The following ST8SIA6 variants were observed in gnomAD, a reference collection of about 807,000 sequenced individuals.
ST8SIA6 encodes alpha-2,8-sialyltransferase 8F.
A neutral mutation model predicts 33.6 loss-of-function variants in ST8SIA6; 39 were observed. The observed-to-expected ratio is 1.16, with a 90% CI of 0.90 to 1.52. The LOEUF is 1.52. Among genes scored for constraint, ST8SIA6 ranks in the 40% most tolerant of loss-of-function variants. The pLI, the probability that ST8SIA6 is intolerant of heterozygous loss-of-function variation, is 0.00. For missense variants in ST8SIA6, 441 were observed against 443.8 expected (o/e 0.99, Z 0.06); for synonymous variants, 172 against 167.2 (o/e 1.03, Z -0.22).
intron 3 of ST8SIA6, among the ~76,000 whole-genome samples, chr10:17,389,518 T>C (rs527696041): frequency 6.6e-6 from 1 of 152,182 alleles, no homozygotes; most frequent in African/African-American, 2.4e-5. Context: ...CTAGGAACAA[T>C]CAGAGTCTCA....
Position 17,348,275 on chromosome 10 carries a change from A to G in ST8SIA6, c.377+11239T>C, listed in dbSNP as rs17140637. 3.4e-3 allele frequency among the ~76,000 whole-genome samples: 510 copies of G among 151,058 alleles called. 3 individuals are homozygous for G. The highest frequency in any genetic ancestry group is 0.012 in the African/African-American group (488 of 41,064). On this transcript the variant is annotated intron_variant, in intron 4 of 7. Coordinates refer to ENST00000377602, the MANE Select transcript of ST8SIA6 (RefSeq NM_001004470.3). Reference sequence around the variant, plus strand: ...CAACATATTGAGAGCCTGAATTAACACTGAATCCTATGAAAACAGTTTTGT... The same window carrying G: ...CAACATATTGAGAGCCTGAATTAACGCTGAATCCTATGAAAACAGTTTTGT...
At chr10:17,366,386 C>T (rs1400958467) in intron 3 of ST8SIA6, among the ~76,000 whole-genome samples, 1 of 151,854 alleles carries the variant, frequency 6.6e-6, no homozygotes, top group African/African-American at 2.4e-5. Context: ...TCTTCACAGC[C>T]CCAGTGAAAT....
intron 4 of ST8SIA6, among the ~76,000 whole-genome samples, chr10:17,341,193 G>C (rs1470005187): frequency 6.6e-6 from 1 of 152,156 alleles, no homozygotes; most frequent in Non-Finnish European, 1.5e-5. Flanking sequence ...TGGCTACAAA[G>C]GGAAGACAGA....
intron 3 of ST8SIA6, among the ~76,000 whole-genome samples, chr10:17,378,201 C>T (rs1444522): frequency 0.19 from 28,935 of 152,094 alleles, 3,151 homozygotes; most frequent in East Asian, 0.51. Flanking sequence ...ATTAGCATAC[C>T]GCAGTTAACC....
At chr10:17,377,240 T>A (rs1849949167) in intron 3 of ST8SIA6, among the ~76,000 whole-genome samples, 1 of 152,122 alleles carries the variant, frequency 6.6e-6, no homozygotes, top group Non-Finnish European at 1.5e-5. Flanking sequence ...CCTTTAACTG[T>A]CATTTTCCAC....
intron 5 of ST8SIA6, among the ~76,000 whole-genome samples, chr10:17,330,928 A>G (rs1848278661): frequency 1.3e-5 from 2 of 152,208 alleles, no homozygotes; most frequent in African/African-American, 2.4e-5. Context: ...GGTTTGGGAT[A>G]TATCTGTGAA....
intron 4 of ST8SIA6, among the ~76,000 whole-genome samples, chr10:17,342,610 T>C (rs1483689263): frequency 6.6e-6 from 1 of 152,018 alleles, no homozygotes; most frequent in Non-Finnish European, 1.5e-5. Context: ...AACAAGTAAT[T>C]TTAAAGTTGA....
intron 4 of ST8SIA6, among the ~76,000 whole-genome samples, chr10:17,333,717 A>ATTTTTTTTTTTT (rs71392102): frequency 8.9e-5 from 3 of 33,752 alleles, no homozygotes; most frequent in African/African-American, 5.2e-4. Flanking sequence ...ATATATATAT[A>ATTTTTTTTTTTT]TTTTTTTTTT....
intron 2 of ST8SIA6, among the ~76,000 whole-genome samples, chr10:17,429,622 C>T (rs1421570406): frequency 6.6e-6 from 1 of 151,994 alleles, no homozygotes; most frequent in Non-Finnish European, 1.5e-5. Flanking sequence ...ATACCTGGGA[C>T]TACAGGTGCA....
chr10:17,333,695 ATATATATATATATATATATATATTTTT>A (rs1848385532), intron 4 of ST8SIA6, among the ~76,000 whole-genome samples: 1 of 20,974 alleles, frequency 4.8e-5, no homozygotes, highest in African/African-American at 2.4e-4. Flanking sequence ...ATATATATAT[ATATATATATATATATATATATATTTTT>A]TTTTTTTTTT....
intron 2 of ST8SIA6, among the ~76,000 whole-genome samples, chr10:17,440,812 G>C (rs1268729983): frequency 1.3e-5 from 2 of 152,110 alleles, no homozygotes; most frequent in African/African-American, 4.8e-5. Context: ...AAAAGACATG[G>C]AGTTGTATCT....
At chr10:17,402,263 A>G (rs1264209721) in intron 2 of ST8SIA6, among the ~76,000 whole-genome samples, 2 of 152,220 alleles carry the variant, frequency 1.3e-5, no homozygotes, top group Non-Finnish European at 2.9e-5. Context: ...GGCGATCATT[A>G]AAAAGTCAAG....
At position 17,359,564 on chromosome 10, in the gene ST8SIA6, A is replaced by G. The variant is rs1187851963; in HGVS notation, c.327T>C (p.Asp109=). 6.2e-7 allele frequency: 1 copy of G among 1,606,942 alleles called. No individual in the cohort carries two copies. The highest frequency in any genetic ancestry group is 8.5e-7 in the Non-Finnish European group (1 of 1,177,498). The change falls in exon 4 of 8, where the codon GAT becomes GAC. Residue 109 remains aspartate, a synonymous_variant. Transcript: ENST00000377602. ...SENDYLQIIT[D]IQSCPWKRQA... is the part of the protein sequence containing the mutation. Reference sequence around the variant, plus strand: ...GCCGTTTCCATGGACAACTCTGTATATCTGTGATAATCTGAAGGTAGTCGT... The same window carrying G: ...GCCGTTTCCATGGACAACTCTGTATGTCTGTGATAATCTGAAGGTAGTCGT...
At chr10:17,340,693 C>G (rs1042718747) in intron 4 of ST8SIA6, among the ~76,000 whole-genome samples, 1 of 152,194 alleles carries the variant, frequency 6.6e-6, no homozygotes, top group African/African-American at 2.4e-5. Flanking sequence ...TTATTTCCAG[C>G]AAAACCATGG....
chr10:17,335,512 A>C (rs45497399), intron 4 of ST8SIA6, among the ~76,000 whole-genome samples: 4,227 of 152,330 alleles, frequency 0.028, 85 homozygotes, highest in African/African-American at 0.054. Flanking sequence ...AGGTTTTTAA[A>C]AATACTTCTT....
chr10:17,422,234 C>T (rs943837442), intron 2 of ST8SIA6, among the ~76,000 whole-genome samples: 4 of 152,132 alleles, frequency 2.6e-5, no homozygotes, highest in Admixed American at 6.5e-5. Context: ...GAAAAGCTTA[C>T]ATTTGAAAGA....
Position 17,317,723 on chromosome 10 carries a change from A to G in ST8SIA6, c.*3155T>C, listed in dbSNP as rs1266570313. On this transcript the variant is annotated 3_prime_UTR_variant, in exon 8 of 8. Coordinates refer to ENST00000377602, the MANE Select transcript of ST8SIA6 (RefSeq NM_001004470.3). ...TTAGCTGGTAAATTTTTTATAAGCA[A>G]GGAAAAATTTAGGCAAACACAGGTC... Among the ~76,000 whole-genome samples the G allele has an allele frequency of 6.6e-6, 1 of 152,194 alleles. No homozygotes were observed. The highest frequency in any genetic ancestry group is 2.4e-5 in the African/African-American group (1 of 41,450).
chr10:17,424,695 T>A (rs1851880163), intron 2 of ST8SIA6, among the ~76,000 whole-genome samples: 1 of 152,236 alleles, frequency 6.6e-6, no homozygotes, highest in East Asian at 1.9e-4. Flanking sequence ...CATCAACCAC[T>A]AATTATTTTT....
At chr10:17,368,115 G>A (rs189775011) in intron 3 of ST8SIA6, among the ~76,000 whole-genome samples, 11 of 151,506 alleles carry the variant, frequency 7.3e-5, no homozygotes, top group East Asian at 1.9e-4. Context: ...TATGTTCTCC[G>A]CCAGGCGCAG....
Sources: gnomAD v4.1 joint callset for allele counts (sites outside exome capture counted in the v4.1 genomes callset) on GRCh38, gnomAD v4.1.1 for gene constraint, MANE v1.5 for transcripts, NCBI Gene and HGNC (gene_info 2026-07-23, HGNC 2026-07-21) for gene names.